MARF1: variants seen among roughly 807,000 people sequenced by gnomAD.
MARF1 encodes the protein meiosis regulator and mRNA stability factor 1.
A neutral mutation model predicts 168.2 loss-of-function variants in MARF1; 24 were observed. The observed-to-expected ratio is 0.14, with a 90% CI of 0.10 to 0.20. The LOEUF (loss-of-function observed/expected upper bound fraction) is 0.20. Among genes scored for constraint, MARF1 ranks in the 10% least tolerant of loss-of-function variants. The pLI, the probability that MARF1 is intolerant of heterozygous loss-of-function variation, is 1.00. For missense variants in MARF1, 1,744 were observed against 2,143.6 expected (o/e 0.81, Z 3.68); for synonymous variants, 868 against 822.4 (o/e 1.06, Z -0.95).
In MARF1 at chr16:15,633,621, C is replaced by G; in HGVS notation, c.1229G>C (p.Cys410Ser). 6.3e-7 allele frequency: 1 copy of G among 1,584,510 alleles called. No individual in the cohort carries two copies. Among genetic ancestry groups the G allele is most frequent in the Non-Finnish European group, 8.6e-7 (1 of 1,160,882 alleles). The change falls in exon 5 of 27, where the codon TGC becomes TCC. Residue 410 changes from cysteine (C) to serine (S), a missense_variant. Cys to Ser is a moderately radical substitution (Grantham distance 112). Around this residue, in one of 7 missense-constraint regions of MARF1, gnomAD observed 217 missense variants for 372.4 expected, o/e 0.58. Coordinates refer to ENST00000396368, the MANE Select transcript of MARF1 (RefSeq NM_014647.4). ...NKEVIQELNN[C>S]QVTVAHINAT... The stretch of plus-strand genomic sequence containing the variant: ...TATTAAATTTTTTTTTTTTACCTGG[C>G]AATTATTCAGCTCTTGAATAACTTC...
rs372861284 is a variant in MARF1, at chr16:15,630,523, A to C, written c.1352-19T>G. On this transcript the variant is annotated intron_variant, in intron 6 of 26. Transcript: ENST00000396368. ...ACATCAGCTGAAAGAAAAGGTACAG[A>C]CCAACCCCATCCCCAAACATTAGAA... 2.3e-5 allele frequency: 36 copies of C among 1,598,098 alleles called. No homozygotes were observed. The highest frequency in any genetic ancestry group is 2.0e-4 in the Middle Eastern group (1 of 5,080).
At chr16:15,617,609 A>T (rs1001428878) in intron 13 of MARF1, 74 bp from the exon 14 acceptor site, 3 of 925,774 alleles carry the variant, frequency 3.2e-6, no homozygotes, top group Non-Finnish European at 5.0e-6. Context: ...ATCCTGTTTA[A>T]ATAAAGAACA....
intron 17 of MARF1, among the ~76,000 whole-genome samples, chr16:15,612,182 A>G (rs917766185): frequency 7.9e-5 from 12 of 152,332 alleles, no homozygotes; most frequent in Middle Eastern, 3.4e-3. Flanking sequence ...CAACTAGTTA[A>G]ATTTAGAAGA....
At chr16:15,611,764 T>C in intron 17 of MARF1, 30 bp from the exon 18 acceptor site, 2 of 1,603,676 alleles carry the variant, frequency 1.2e-6, no homozygotes, top group East Asian at 4.5e-5. Context: ...TTTATACACA[T>C]AAGACCTCAG....
At position 15,625,496 on chromosome 16, in the gene MARF1, T is replaced by C. The variant is rs1430740063; in HGVS notation, c.1829A>G (p.Asn610Ser). 1.2e-6 allele frequency: 2 copies of C among 1,614,114 alleles called. No homozygotes were observed. The highest frequency in any genetic ancestry group is 2.7e-5 in the African/African-American group (2 of 74,950). ...ATCTTTGATGAGGCACAATTTTGGA[T>C]TCTTAAGTTTTTTGGGAGACTTCAC... is the stretch of plus-strand genomic sequence containing the variant. ...DKVKSPKKLK[N>S]PKLCLIKDAS... The change falls in exon 8 of 27, where the codon AAT becomes AGT. Residue 610 changes from asparagine (N) to serine (S), a missense_variant. By Grantham distance (46) the Asn-to-Ser change is conservative. This residue lies in a region of MARF1 where 270 missense variants were observed against 260.6 expected (regional missense o/e 1.04). Transcript: ENST00000396368.
At position 15,643,148 on chromosome 16, in the gene MARF1, C is replaced by A; in HGVS notation, c.-189G>T. On this transcript the variant is annotated 5_prime_UTR_variant, in exon 1 of 27. Coordinates refer to ENST00000396368, the MANE Select transcript of MARF1 (RefSeq NM_014647.4). ...CCGCCAAGCGCACCCTTCACTTCCG[C>A]TTCCGCACCGCACCGCCCCTGTCGC... 3.4e-6 allele frequency: 1 copy of A among 292,734 alleles called. No homozygotes were observed. The highest frequency in any genetic ancestry group is 6.6e-6 in the Non-Finnish European group (1 of 152,220). The allele number at this position is 292,734 out of a possible 1,614,324, so 18.1% of individuals were successfully genotyped here.
rs375428441 is a variant in MARF1 at position 15,623,071 on chromosome 16, C to T, written c.2323G>A (p.Ala775Thr). Residue 775 changes from alanine to threonine, a missense_variant, in exon 11 of 27, where the codon GCA becomes ACA. Coordinates refer to ENST00000396368, the MANE Select transcript of MARF1 (RefSeq NM_014647.4). The part of the protein sequence containing the change: ...NRASPLAFNI[A>T]NSSSEADCPD... Reference sequence around the variant, plus strand: ...CAGTCGGCTTCGCTGCTCGAATTTGCAATGTTGAAAGCAAGCGGGGATGCT... The same window carrying T: ...CAGTCGGCTTCGCTGCTCGAATTTGTAATGTTGAAAGCAAGCGGGGATGCT... The T allele has an allele frequency of 3.1e-6, 5 of 1,610,320 alleles. No homozygotes were observed. In the African/African-American group the frequency reaches 6.7e-5, roughly 22 times the overall value.
Position 15,625,064 on chromosome 16 carries a change from G to C in MARF1, c.2063C>G (p.Thr688Arg). 6.2e-7 allele frequency: 1 copy of C among 1,614,158 alleles called. No individual in the cohort carries two copies. The highest frequency in any genetic ancestry group is 1.3e-5 in the African/African-American group (1 of 75,028). The change falls in exon 9 of 27, where the codon ACG becomes AGG. Residue 688 changes from threonine to arginine, a missense_variant. By Grantham distance (71) the Thr-to-Arg change is moderately conservative. Coordinates refer to ENST00000396368, the MANE Select transcript of MARF1 (RefSeq NM_014647.4). ...THGNSSAAVS[T>R]PKNSGVAEPV... ...TTCTGCCACCCCCGAGTTTTTCGGCGTCGACACTGCAGCACTTGAGTTACC... is the reference window on the plus strand; with the variant it reads ...TTCTGCCACCCCCGAGTTTTTCGGCCTCGACACTGCAGCACTTGAGTTACC...
chr16:15,635,475 G>C (rs2035526130), intron 3 of MARF1, 181 bp downstream of exon 3: 3 of 576,360 alleles, frequency 5.2e-6, no homozygotes, highest in African/African-American at 1.9e-5. Context: ...TTTTTTGAAT[G>C]ATCTCCCATC....
intron 25 of MARF1, 151 bp from the exon 26 acceptor site, chr16:15,599,175 A>AAAAAAAC: frequency 2.7e-6 from 2 of 728,838 alleles, no homozygotes. Flanking sequence ...AAAAAAAAAA[A>AAAAAAAC]CAAAAACCCA....
chr16:15,621,810 G>C lies in MARF1; in HGVS notation c.2562C>G (p.His854Gln), dbSNP rs988805033. 2 of 1,614,144 alleles carry C rather than the reference G, an allele frequency of 1.2e-6. No individual in the cohort carries two copies. The highest frequency in any genetic ancestry group is 1.7e-6 in the Non-Finnish European group (2 of 1,180,014). ...TCTTTTTGCTGCCAATTTTGTATCT[G>C]TGGAGGCTATTCACTGCACCGATCG... ...QDAIGAVNSL[H>Q]RYKIGSKKIL... The change falls in exon 12 of 27, where the codon CAC (histidine) becomes CAG (glutamine). Residue 854 changes from histidine (H) to glutamine (Q), a missense_variant. By Grantham distance (24) the His-to-Gln change is conservative. Coordinates refer to ENST00000396368, the MANE Select transcript of MARF1 (RefSeq NM_014647.4).
At chr16:15,640,231 C>G (rs577170501) in intron 1 of MARF1, among the ~76,000 whole-genome samples, 1 of 152,184 alleles carries the variant, frequency 6.6e-6, no homozygotes, top group Non-Finnish European at 1.5e-5. Flanking sequence ...AAAGTCCAAA[C>G]TAAGTGGCCT....
intron 3 of MARF1, 114 bp downstream of exon 3, chr16:15,635,542 A>G: frequency 1.0e-6 from 1 of 954,150 alleles, no homozygotes; most frequent in Non-Finnish European, 1.6e-6. Flanking sequence ...AGATTCCCCT[A>G]TACCATGGGA....
chr16:15,606,900 G>A (rs796196973), intron 21 of MARF1, among the ~76,000 whole-genome samples: 8 of 152,198 alleles, frequency 5.3e-5, no homozygotes, highest in African/African-American at 9.6e-5. Flanking sequence ...ATCTTCACAA[G>A]CAGACAAACC....
At chr16:15,634,621 G>C in intron 4 of MARF1, 136 bp downstream of exon 4, 1 of 751,470 alleles carries the variant, frequency 1.3e-6, no homozygotes. Context: ...TTTCTACCAA[G>C]ATATGGAATT....
chr16:15,635,861 A>T lies in MARF1; in HGVS notation c.626T>A (p.Leu209Gln), dbSNP rs370959060. The T allele has an allele frequency of 1.4e-5, 23 of 1,614,128 alleles. No homozygotes were observed. The highest frequency in any genetic ancestry group is 1.9e-5 in the Non-Finnish European group (22 of 1,180,056). Residue 209 changes from leucine to glutamine, a missense_variant, in exon 3 of 27, where the codon CTG (leucine) becomes CAG (glutamine). By Grantham distance (113) the Leu-to-Gln change is moderately radical. This residue lies in a region of MARF1 where 318 missense variants were observed against 336.6 expected (regional missense o/e 0.94). Coordinates refer to ENST00000396368, the MANE Select transcript of MARF1 (RefSeq NM_014647.4). ...GCCCTGCAGACTCGGAAACTGATGC[A>T]GCTTGTGCACATTACCATGACATGA... ...FQSCHGNVHK[L>Q]HQFPSLQGCT...
chr16:15,596,724 T>C lies in MARF1; in HGVS notation c.5198A>G (p.Asn1733Ser), dbSNP rs2031725047. Residue 1733 changes from asparagine (N) to serine (S), a missense_variant, in exon 27 of 27, where the codon AAC becomes AGC. This residue lies in a region of MARF1 where 313 missense variants were observed against 337.4 expected (regional missense o/e 0.93). Transcript: ENST00000396368. ...QPKNRVKLAA[N>S]FSLAPITKL ...CTTGGTTATAGGTGCTAAGGAAAAG[T>C]TGGCTGCCAATTTGACTCTATTTTT... 5.6e-6 allele frequency: 9 copies of C among 1,606,590 alleles called. No homozygotes were observed. Among genetic ancestry groups the C allele is most frequent in the East Asian group, 2.2e-5 (1 of 44,616 alleles).
intron 1 of MARF1, among the ~76,000 whole-genome samples, chr16:15,641,353 G>T (rs2035939321): frequency 6.6e-6 from 1 of 152,066 alleles, no homozygotes. Flanking sequence ...TACGATTCTT[G>T]TCTTTCCTAT....
chr16:15,620,383 C>CA, intron 13 of MARF1, 68 bp downstream of exon 13: 3 of 904,886 alleles, frequency 3.3e-6, no homozygotes, highest in Non-Finnish European at 5.3e-6. Flanking sequence ...AGAGTCATTA[C>CA]CATGGTTTTG....
Sources: gnomAD v4.1 joint callset for allele counts (sites outside exome capture counted in the v4.1 genomes callset) on GRCh38, gnomAD v4.1.1 for gene constraint, gnomAD v4.1.1 regional missense constraint, MANE v1.5 for transcripts, NCBI Gene and HGNC (gene_info 2026-07-23, HGNC 2026-07-21) for gene names.